The following CLASP1 variants were observed in gnomAD, a reference collection of about 807,000 sequenced individuals.
CLASP1 encodes CLIP-associating protein 1.
A neutral mutation model predicts 192.3 loss-of-function variants in CLASP1; 38 were observed. That is an observed-to-expected ratio of 0.20 (90% CI 0.15 to 0.26). CLASP1 has a LOEUF of 0.26. Among genes scored for constraint, CLASP1 ranks in the 10% least tolerant of loss-of-function variants. CLASP1 has a pLI of 1.00. For missense variants in CLASP1, 1,433 were observed against 1,932.5 expected (o/e 0.74, Z 4.85); for synonymous variants, 691 against 712.8 (o/e 0.97, Z 0.49).
At chr2:121,354,598 G>C (rs2065064602) in intron 37 of CLASP1, among the ~76,000 whole-genome samples, 1 of 152,190 alleles carries the variant, frequency 6.6e-6, no homozygotes, top group South Asian at 2.1e-4. Flanking sequence ...GCTTTCTAGT[G>C]CAAGAAATTA....
chr2:121,478,770 C>CCCACACACACACCCCACACA (rs2092088875), intron 8 of CLASP1, among the ~76,000 whole-genome samples: 1 of 29,976 alleles, frequency 3.3e-5, no homozygotes, highest in African/African-American at 1.5e-4. Context: ...CACCACACAC[C>CCCACACACACACCCCACACA]CCACACACAC....
At chr2:121,371,090 A>G (rs555880153) in intron 34 of CLASP1, among the ~76,000 whole-genome samples, 169 of 152,220 alleles carry the variant, frequency 1.1e-3, no homozygotes, top group Non-Finnish European at 2.0e-3. Context: ...ATGTATAAAT[A>G]TACAAAAAGG....
intron 11 of CLASP1, 90 bp from the exon 12 acceptor site, chr2:121,460,215 C>A: frequency 9.2e-7 from 1 of 1,091,416 alleles, no homozygotes; most frequent in South Asian, 2.0e-5. Flanking sequence ...CAAAAGAGAT[C>A]ATTGTTAAAG....
At chr2:121,461,428 C>T (rs189450493) in intron 10 of CLASP1, among the ~76,000 whole-genome samples, 15 of 152,292 alleles carry the variant, frequency 9.8e-5, no homozygotes, top group Admixed American at 7.8e-4. Context: ...CATAGCTTTA[C>T]TATAAACTTA....
At chr2:121,548,239 C>A (rs1423863134) in intron 2 of CLASP1, among the ~76,000 whole-genome samples, 1 of 152,138 alleles carries the variant, frequency 6.6e-6, no homozygotes, top group Non-Finnish European at 1.5e-5. Flanking sequence ...TCTGACAGAG[C>A]TGAATAACAC....
At chr2:121,606,454 A>G (rs1014899012) in intron 1 of CLASP1, among the ~76,000 whole-genome samples, 1 of 152,232 alleles carries the variant, frequency 6.6e-6, no homozygotes, top group African/African-American at 2.4e-5. Context: ...TGCACCAGAC[A>G]GGAAAGCAAT....
chr2:121,622,551 G>A (rs1409405812), intron 1 of CLASP1, among the ~76,000 whole-genome samples: 1 of 147,888 alleles, frequency 6.8e-6, no homozygotes, highest in Non-Finnish European at 1.5e-5. Flanking sequence ...CGTGGGCGAC[G>A]AGTGAGACCC....
At chr2:121,492,663 A>C (rs1364093767) in intron 8 of CLASP1, among the ~76,000 whole-genome samples, 3 of 137,884 alleles carry the variant, frequency 2.2e-5, no homozygotes, top group Non-Finnish European at 4.5e-5. Context: ...GGTGACTACA[A>C]TTAAAAAAAA....
chr2:121,592,712 C>T (rs907164401), intron 2 of CLASP1, among the ~76,000 whole-genome samples: 5 of 152,202 alleles, frequency 3.3e-5, no homozygotes, highest in African/African-American at 1.2e-4. Context: ...AGTGCAGTGG[C>T]ATGATCTCGG....
At chr2:121,436,933 T>C (rs936620624) in intron 19 of CLASP1, among the ~76,000 whole-genome samples, 1 of 152,230 alleles carries the variant, frequency 6.6e-6, no homozygotes, top group Admixed American at 6.5e-5. Flanking sequence ...TTCAGTTACA[T>C]TGATTCTACT....
chr2:121,488,475 CA>C (rs1382541457), intron 8 of CLASP1, among the ~76,000 whole-genome samples: 2 of 152,234 alleles, frequency 1.3e-5, no homozygotes, highest in African/African-American at 4.8e-5. Flanking sequence ...AGGTGGCACT[CA>C]TACCCAGTCT....
intron 19 of CLASP1, among the ~76,000 whole-genome samples, chr2:121,438,476 G>C (rs568707628): frequency 6.6e-6 from 1 of 152,226 alleles, no homozygotes; most frequent in East Asian, 1.9e-4. Flanking sequence ...TGTCAATGCT[G>C]GCTTAATGCC....
chr2:121,445,573 C>T (rs2084171983), intron 19 of CLASP1: 4 of 768,702 alleles, frequency 5.2e-6, no homozygotes, highest in East Asian at 6.4e-5. Flanking sequence ...TAGGTAGCAA[C>T]TGTAACAAAT....
At chr2:121,363,044 T>C in intron 37 of CLASP1, 128 bp downstream of exon 38, 1 of 1,193,286 alleles carries the variant, frequency 8.4e-7, no homozygotes, top group Non-Finnish European at 1.2e-6. Flanking sequence ...CACTCTGTAT[T>C]ACGACATGGC....
intron 2 of CLASP1, among the ~76,000 whole-genome samples, chr2:121,580,663 G>A (rs1041497696): frequency 6.6e-6 from 1 of 152,136 alleles, no homozygotes; most frequent in Non-Finnish European, 1.5e-5. Flanking sequence ...GTAAATATTT[G>A]TACACATTTA....
At chr2:121,527,859 T>G in exon 5 of CLASP1, 1 of 1,613,980 alleles carries the variant, frequency 6.2e-7, no homozygotes. Context: ...ATTCTTGTGT[T>G]TGAAGCCTCC....
At chr2:121,457,251 C>A (rs990238638) in intron 14 of CLASP1, among the ~76,000 whole-genome samples, 2 of 152,178 alleles carry the variant, frequency 1.3e-5, no homozygotes, top group African/African-American at 4.8e-5. Flanking sequence ...AAACACATAC[C>A]TTTCCCCTCA....
chr2:121,645,372 C>A (rs1296191156), intron 1 of CLASP1, among the ~76,000 whole-genome samples: 1 of 152,206 alleles, frequency 6.6e-6, no homozygotes, highest in Non-Finnish European at 1.5e-5. Flanking sequence ...GCAACCAAGA[C>A]CTGTCCAGGG....
At chr2:121,367,741 T>C (rs762003925) in exon 35 of CLASP1, 2 of 1,613,778 alleles carry the variant, frequency 1.2e-6, no homozygotes, top group Admixed American at 3.3e-5. Flanking sequence ...AGTAGTGAGG[T>C]CTTGTTATCC....
Sources: allele counts gnomAD v4.1 joint callset (sites outside exome capture counted in the v4.1 genomes callset), GRCh38; gene constraint gnomAD v4.1.1; transcripts MANE v1.5; gene names NCBI Gene and HGNC (gene_info 2026-07-23, HGNC 2026-07-21).